Variants in PLEC observed in about 807,000 individuals in gnomAD.
PLEC encodes the protein hemidesmosomal protein 1.
In PLEC, 216 loss-of-function variants were observed where a neutral mutation model predicts 392.8. The ratio of observed to expected loss-of-function variants is 0.55; its 90% CI spans 0.49 to 0.62. The LOEUF is 0.62. Among genes scored for constraint, PLEC ranks in the 20% least tolerant of loss-of-function variants. The pLI is 0.00. For synonymous variants in PLEC, 3,621 were observed against 2,980.6 expected (o/e 1.21, Z -7.00); for missense variants, 6,863 against 6,563.4 (o/e 1.05, Z -1.58).
chr8:143,926,294 G>A (rs1270295893), intron 30 of PLEC, among the ~76,000 whole-genome samples: 6 of 152,220 alleles, frequency 3.9e-5, no homozygotes, highest in Admixed American at 3.9e-4. Context: ...AAGCCTGGGT[G>A]GGGCGGGGTG....
intron 30 of PLEC, among the ~76,000 whole-genome samples, chr8:143,926,343 G>A (rs781980526): frequency 1.3e-5 from 2 of 152,178 alleles, no homozygotes; most frequent in South Asian, 2.1e-4. Context: ...GTGCAGACCC[G>A]AGCCAACTCG....
rs372196160 is a variant in PLEC at position 143,925,223 on chromosome 8, G to A, written c.4706C>T (p.Thr1569Met). The A allele has an allele frequency of 1.6e-5, 25 of 1,588,276 alleles. No homozygotes were observed. Among genetic ancestry groups the A allele is most frequent in the Admixed American group, 3.4e-5 (2 of 59,464 alleles). ...RARQVQVALE[T>M]AQRSAEAELQ... ...CTCCGCCTCTGCACTGCGCTGCGCC[G>A]TCTCCAGGGCCACCTGTACCTGCCG... is the stretch of plus-strand genomic sequence containing the variant. Residue 1569 changes from threonine to methionine, a missense_variant, in exon 31 of 32, where the codon ACG becomes ATG. Coordinates refer to ENST00000345136, the MANE Select transcript of PLEC (RefSeq NM_201384.3).
Position 143,925,732 on chromosome 8 carries a change from C to T in PLEC, c.4197G>A (p.Glu1399=), listed in dbSNP as rs1824892086. Reference sequence around the variant, plus strand: ...CCGCCTCCTCCCGCCGCACCACCTCCTCCTGCATGCGCTGCTGCAGCTCCT... The same window carrying T: ...CCGCCTCCTCCCGCCGCACCACCTCTTCCTGCATGCGCTGCTGCAGCTCCT... ...EAKELQQRMQ[E]EVVRREEAAV... Residue 1399 remains glutamate, a synonymous_variant, in exon 31 of 32, where the codon GAG becomes GAA. Transcript: ENST00000345136. The T allele has an allele frequency of 1.3e-6, 2 of 1,595,610 alleles. No individual in the cohort carries two copies. Among genetic ancestry groups the T allele is most frequent in the African/African-American group, 1.3e-5 (1 of 74,844 alleles).
chr8:143,956,027 T>C (rs1422787676), upstream of PLEC, among the ~76,000 whole-genome samples: 7 of 151,056 alleles, frequency 4.6e-5, no homozygotes, highest in Non-Finnish European at 8.8e-5. Flanking sequence ...CTTGGCTCAC[T>C]GCAACCTCTG....
Position 143,918,652 on chromosome 8 carries a change from C to A in PLEC, c.11169G>T (p.Leu3723=). 1 of 1,612,892 alleles carries A rather than the reference C, an allele frequency of 6.2e-7. No individual in the cohort carries two copies. The highest frequency in any genetic ancestry group is 1.6e-4 in the Middle Eastern group (1 of 6,062). ...GLLSAEVARL[L]LEAQAATGFL... ...AGCCTGTGGCTGCCTGTGCCTCCAG[C>A]AGCAGGCGGGCCACCTCGGCACTCA... Residue 3723 remains leucine (L), a synonymous_variant, in exon 32 of 32, where the codon CTG becomes CTT. Transcript: ENST00000345136.
chr8:143,948,290 T>C (rs1421689996), intron 1 of PLEC, among the ~76,000 whole-genome samples: 2 of 152,232 alleles, frequency 1.3e-5, no homozygotes, highest in Non-Finnish European at 2.9e-5. Context: ...AGCTCTGACC[T>C]TGCCCTTCTG....
intron 3 of PLEC, chr8:143,937,529 AG>A: frequency 1.3e-5 from 7 of 536,282 alleles, no homozygotes; most frequent in Non-Finnish European, 2.0e-5. Context: ...GTGGCACTAA[AG>A]GGGGGGTCCT....
chr8:143,917,964 T>A lies in PLEC; in HGVS notation c.11857A>T (p.Met3953Leu). 1 of 1,612,878 alleles carries A rather than the reference T, an allele frequency of 6.2e-7. No individual in the cohort carries two copies. Residue 3953 changes from methionine (M) to leucine (L), a missense_variant, in exon 32 of 32, where the codon ATG (methionine) becomes TTG (leucine). By Grantham distance (15) the Met-to-Leu change is conservative. Coordinates refer to ENST00000345136, the MANE Select transcript of PLEC (RefSeq NM_201384.3). ...CCGGGGCGGATGATGCCCTTCTTCA[T>A]GGCCTGGTACACCGAGAGCCGTTCC... Reference protein sequence around the residue: ...TKERLSVYQAMKKGIIRPGTA... With the variant: ...TKERLSVYQALKKGIIRPGTA...
chr8:143,964,650 G>A (rs1833003361), intron 1 of PLEC, among the ~76,000 whole-genome samples: 1 of 152,174 alleles, frequency 6.6e-6, no homozygotes, highest in South Asian at 2.1e-4. Flanking sequence ...TTGTGGGTAC[G>A]TGTGACAGCA....
intron 26 of PLEC, 32 bp downstream of exon 26, chr8:143,927,822 C>A: frequency 6.3e-7 from 1 of 1,578,342 alleles, no homozygotes; most frequent in East Asian, 2.3e-5. Context: ...GTACCCCCAC[C>A]CCGCCATGAA....
chr8:143,946,570 A>C, intron 1 of PLEC: 1 of 383,412 alleles, frequency 2.6e-6, no homozygotes, highest in Non-Finnish European at 5.0e-6. Context: ...GACGGGTCAG[A>C]CCAGCCCAGC....
At chr8:143,938,816 T>G in intron 1 of PLEC, 124 bp from the exon 2 acceptor site, 1 of 831,626 alleles carries the variant, frequency 1.2e-6, no homozygotes, top group Non-Finnish European at 2.0e-6. Context: ...AAAGCCTCCC[T>G]CAGATCACAC....
rs540568447 is a variant in PLEC, at chr8:143,969,159, C to T, written c.70+4244G>A. Among the ~76,000 whole-genome samples the T allele has an allele frequency of 3.9e-5, 6 of 152,338 alleles. No individual in the cohort carries two copies. Among genetic ancestry groups the T allele is most frequent in the African/African-American group, 1.4e-4 (6 of 41,584 alleles). The stretch of plus-strand genomic sequence containing the variant: ...AGCAAAAGTGGGCACTTCCACACCA[C>T]GGAACCGACTCCAGCGGGGGGAGGG... On this transcript the variant is annotated intron_variant, in intron 1 of 31. Coordinates refer to the PLEC transcript ENST00000356346. This position sits in a 1 kb window ranked among gnomAD's most constrained non-coding sequence, Gnocchi z 5.1.
intron 18 of PLEC, 30 bp from the exon 19 acceptor site, chr8:143,931,689 C>A (rs1233333797): frequency 3.8e-6 from 6 of 1,586,746 alleles, no homozygotes; most frequent in Admixed American, 1.8e-5. Context: ...TCACGCCAGG[C>A]TACCTGGGAC....
In PLEC at chr8:143,967,159, C is replaced by T. The variant is rs1161441247; in HGVS notation, c.70+6244G>A. ...TGGGCAGATCACGAGGTCAGGAGAT[C>T]GAGACTGTCCTGGCTAACACGGTGA... On this transcript the variant is annotated intron_variant, in intron 1 of 31. Coordinates refer to the PLEC transcript ENST00000356346. 6.6e-5 allele frequency among the ~76,000 whole-genome samples: 10 copies of T among 151,636 alleles called. No individual in the cohort carries two copies. The South Asian group carries it at 8.4e-4, about 13-fold the overall frequency.
exon 1 of PLEC, chr8:143,950,369 G>T (rs1281975475): frequency 1.3e-6 from 2 of 1,592,288 alleles, no homozygotes; most frequent in Admixed American, 1.8e-5. Flanking sequence ...CACGTGGGGG[G>T]TGCGGCGTGC....
chr8:143,930,899 C>G (rs1827047948), intron 19 of PLEC, among the ~76,000 whole-genome samples: 1 of 152,140 alleles, frequency 6.6e-6, no homozygotes, highest in Admixed American at 6.5e-5. Context: ...CAGGACGGCA[C>G]ACACCTGGGA....
chr8:143,916,807 C>A lies in PLEC; in HGVS notation c.13014G>T (p.Lys4338Asn). Residue 4338 changes from lysine to asparagine, a missense_variant, in exon 32 of 32, where the codon AAG (lysine) becomes AAT (asparagine). Transcript: ENST00000345136. ...CCACCATGATCTTGTCCACCAGGCC[C>A]TTGTTGACGGCGTCGGTGACAGGGA... ...ERFPVTDAVN[K>N]GLVDKIMVDR... 1 of 1,613,114 alleles carries A rather than the reference C, an allele frequency of 6.2e-7. No individual in the cohort carries two copies. Among genetic ancestry groups the A allele is most frequent in the South Asian group, 1.1e-5 (1 of 91,072 alleles).
chr8:143,941,486 C>T (rs868954477), upstream of PLEC, among the ~76,000 whole-genome samples: 3 of 151,920 alleles, frequency 2.0e-5, no homozygotes, highest in Non-Finnish European at 4.4e-5. Context: ...GACACGGACT[C>T]GGGCAAGGCT....
Sources: allele counts gnomAD v4.1 joint callset (sites outside exome capture counted in the v4.1 genomes callset), GRCh38; gene constraint gnomAD v4.1.1; non-coding constraint Gnocchi (gnomAD v3.1); transcripts MANE v1.5; gene names NCBI Gene and HGNC (gene_info 2026-07-23, HGNC 2026-07-21).